ZNF697: variants seen among roughly 807,000 people sequenced by gnomAD.
The protein encoded by ZNF697 is zinc finger protein 697.
Under a neutral mutation model 32.4 loss-of-function variants are expected in ZNF697, and 23 were observed. The ratio of observed to expected loss-of-function variants is 0.71; its 90% CI spans 0.51 to 1.01. The LOEUF (loss-of-function observed/expected upper bound fraction) is 1.01, where lower values mean the gene tolerates loss of function less well. Ranked by LOEUF, ZNF697 falls within the 50% of genes least tolerant of loss-of-function variation. The pLI, the probability that ZNF697 is intolerant of heterozygous loss-of-function variation, is 0.00. For synonymous variants in ZNF697, 418 were observed against 337.2 expected (o/e 1.24, Z -2.62); for missense variants, 930 against 794.0 (o/e 1.17, Z -2.06).
chr1:119,642,401 T>C (rs957487516), intron 1 of ZNF697, among the ~76,000 whole-genome samples: 1 of 152,190 alleles, frequency 6.6e-6, no homozygotes, highest in Non-Finnish European at 1.5e-5. Flanking sequence ...GGTTCATAAG[T>C]TGTACCAAAT....
In ZNF697 at chr1:119,623,590, C is replaced by T. The variant is rs1648446417; in HGVS notation, c.753G>A (p.Pro251=). ...GCTTTTCGCGCGGGGGCCGGGCCAGCGGGGGCCCGGCCCCGAAGCCCCCCG... is the reference window on the plus strand; with the variant it reads ...GCTTTTCGCGCGGGGGCCGGGCCAGTGGGGGCCCGGCCCCGAAGCCCCCCG... The part of the protein sequence containing the change: ...GVAGGFGAGP[P]LARPPREKPF... The change falls in exon 3 of 3, where the codon CCG becomes CCA. Residue 251 remains proline (P), a synonymous_variant. Coordinates refer to ENST00000421812, the MANE Select transcript of ZNF697 (RefSeq NM_001080470.2). 6 of 1,435,302 alleles carry T rather than the reference C, an allele frequency of 4.2e-6. No individual in the cohort carries two copies. Among genetic ancestry groups the T allele is most frequent in the Non-Finnish European group, 4.5e-6 (5 of 1,107,054 alleles). 88.9% of individuals were successfully genotyped at this position (1,435,302 alleles called of 1,614,324 possible). A position where few individuals can be genotyped will look rare whatever the true frequency, so the allele number is the denominator to read the frequency against.
intron 1 of ZNF697, among the ~76,000 whole-genome samples, chr1:119,634,001 A>G (rs1404400971): frequency 6.6e-6 from 1 of 152,198 alleles, no homozygotes; most frequent in Non-Finnish European, 1.5e-5. Context: ...TGAAGGACAA[A>G]AGAGAAAACA....
rs1240032774 is a variant in ZNF697 at position 119,622,834 on chromosome 1, G to C, written c.1509C>G (p.Ile503Met). Residue 503 changes from isoleucine (I) to methionine (M), a missense_variant, in exon 3 of 3, where the codon ATC (isoleucine) becomes ATG (methionine). Physicochemically the swap from Ile to Met is conservative, Grantham distance 10 (BLOSUM62 1). Transcript: ENST00000421812. Reference protein sequence around the residue: ...YTCIECGKSFIQSSHLIRHRR... With the variant: ...YTCIECGKSFMQSSHLIRHRR... ...GGTGGCGGATCAGGTGGGAGCTCTG[G>C]ATAAAGCTCTTGCCGCACTCGATGC... is the stretch of plus-strand genomic sequence containing the variant. 2 of 1,605,818 alleles carry C rather than the reference G, an allele frequency of 1.2e-6. No homozygotes were observed. The highest frequency in any genetic ancestry group is 1.3e-5 in the African/African-American group (1 of 74,924).
intron 1 of ZNF697, among the ~76,000 whole-genome samples, chr1:119,628,158 G>A (rs1157431448): frequency 6.6e-6 from 1 of 152,090 alleles, no homozygotes; most frequent in African/African-American, 2.4e-5. Context: ...AGTCAAATAA[G>A]CATGTCATCA....
Position 119,623,783 on chromosome 1 carries a change from G to GCGTCCATGATGCTGGCCA in ZNF697, c.542_559dup (p.Val181_Asp186dup). On this transcript the variant is annotated inframe_insertion, in exon 3 of 3. Coordinates refer to ENST00000421812, the MANE Select transcript of ZNF697 (RefSeq NM_001080470.2). ...CCCGCAGTCGGGGCAGATGGTGGGCGCGTCCATGATGCTGGCCACCAGGCT... is the reference window on the plus strand; with the variant it reads ...CCCGCAGTCGGGGCAGATGGTGGGCGCGTCCATGATGCTGGCCACGTCCATGATGCTGGCCACCAGGCT... The GCGTCCATGATGCTGGCCA allele has an allele frequency of 6.5e-7, 1 of 1,545,718 alleles. No homozygotes were observed. Among genetic ancestry groups the GCGTCCATGATGCTGGCCA allele is most frequent in the Non-Finnish European group, 8.7e-7 (1 of 1,146,370 alleles).
intron 1 of ZNF697, among the ~76,000 whole-genome samples, chr1:119,644,541 A>T (rs1313016097): frequency 3.9e-5 from 6 of 152,280 alleles, no homozygotes; most frequent in Non-Finnish European, 7.4e-5. Flanking sequence ...AGCAGACGTA[A>T]ATTCCAGTCT....
intron 1 of ZNF697, among the ~76,000 whole-genome samples, chr1:119,646,209 G>C (rs1239211805): frequency 1.3e-5 from 2 of 151,980 alleles, no homozygotes; most frequent in Non-Finnish European, 2.9e-5. Flanking sequence ...GTAATGTAAA[G>C]GGCAGCCTGA....
chr1:119,624,216 A>G, intron 2 of ZNF697, 100 bp from the exon 3 acceptor site: 2 of 1,379,014 alleles, frequency 1.5e-6, no homozygotes, highest in Non-Finnish European at 1.9e-6. Flanking sequence ...CCCCTCCCTC[A>G]GGCACTCTGG....
At chr1:119,628,258 G>T (rs1648656560) in intron 1 of ZNF697, among the ~76,000 whole-genome samples, 1 of 152,176 alleles carries the variant, frequency 6.6e-6, no homozygotes, top group Non-Finnish European at 1.5e-5. Flanking sequence ...CAGGATTTAG[G>T]AGTCCGATCT....
At chr1:119,637,923 GTC>G (rs1648969069) in intron 1 of ZNF697, among the ~76,000 whole-genome samples, 1 of 151,730 alleles carries the variant, frequency 6.6e-6, no homozygotes, top group Non-Finnish European at 1.5e-5. Context: ...AAAAGTCATC[GTC>G]TGTGTGTGTG....
chr1:119,642,438 A>AG (rs199544096), intron 1 of ZNF697, among the ~76,000 whole-genome samples: 8 of 151,240 alleles, frequency 5.3e-5, no homozygotes, highest in Admixed American at 4.7e-4. Context: ...GGATGCTGAG[A>AG]GGGGGGGAGG....
intron 1 of ZNF697, among the ~76,000 whole-genome samples, chr1:119,626,789 A>G (rs1648603724): frequency 6.6e-6 from 1 of 152,214 alleles, no homozygotes; most frequent in Non-Finnish European, 1.5e-5. Flanking sequence ...GCAGGGAGGA[A>G]TGAGCCAAGA....
chr1:119,620,676 T>C lies in ZNF697; in HGVS notation c.*2029A>G, dbSNP rs1188900597. ...TGTAGTTTGAAAACCTATTTGCATT[T>C]GTGAATAACAATAAACTGATTAAGA... On this transcript the variant is annotated 3_prime_UTR_variant, in exon 3 of 3. Coordinates refer to ENST00000421812, the MANE Select transcript of ZNF697 (RefSeq NM_001080470.2). 1 of 152,646 alleles carries C rather than the reference T, an allele frequency of 6.6e-6. No individual in the cohort carries two copies. The highest frequency in any genetic ancestry group is 6.5e-5 in the Admixed American group (1 of 15,278). 9.5% of individuals were successfully genotyped at this position (152,646 alleles called of 1,614,324 possible).
At chr1:119,638,684 C>A (rs929732300) in intron 1 of ZNF697, among the ~76,000 whole-genome samples, 6 of 152,168 alleles carry the variant, frequency 3.9e-5, no homozygotes, top group Non-Finnish European at 8.8e-5. Context: ...CTTTATACAG[C>A]TCTTCTATCC....
intron 2 of ZNF697, 49 bp downstream of exon 2, chr1:119,625,826 G>C: frequency 1.2e-6 from 2 of 1,600,288 alleles, no homozygotes; most frequent in Non-Finnish European, 1.7e-6. Flanking sequence ...GGAGCTAGAA[G>C]TAAGTGTAAC....
At chr1:119,629,983 T>C (rs1648714003) in intron 1 of ZNF697, among the ~76,000 whole-genome samples, 1 of 152,200 alleles carries the variant, frequency 6.6e-6, no homozygotes, top group African/African-American at 2.4e-5. Flanking sequence ...TAAAGCTAAA[T>C]AGGGTGTGGG....
rs751909000 is a variant in ZNF697 at position 119,623,529 on chromosome 1, G to C, written c.814C>G (p.Arg272Gly). ...AGGTGGTTGGTCAGGTAGGTGTTGC[G>C]GCTGAAGCCCTTGCCGCACTCCCCG... ...RCGECGKGFS[R>G]NTYLTNHLRL... The change falls in exon 3 of 3, where the codon CGC becomes GGC. Residue 272 changes from arginine (R) to glycine (G), a missense_variant. Coordinates refer to ENST00000421812, the MANE Select transcript of ZNF697 (RefSeq NM_001080470.2). 3.2e-6 allele frequency: 5 copies of C among 1,557,726 alleles called. No homozygotes were observed. The highest frequency in any genetic ancestry group is 4.3e-6 in the Non-Finnish European group (5 of 1,153,776).
intron 1 of ZNF697, 107 bp downstream of exon 1, chr1:119,647,584 C>CG (rs1458789659): frequency 1.3e-5 from 2 of 152,562 alleles, no homozygotes; most frequent in African/African-American, 2.4e-5. Flanking sequence ...CTGCCCTTCT[C>CG]GGAGCCCCCC....
chr1:119,635,702 T>C (rs1648901169), intron 1 of ZNF697, among the ~76,000 whole-genome samples: 1 of 152,162 alleles, frequency 6.6e-6, no homozygotes, highest in Non-Finnish European at 1.5e-5. Context: ...GGATGAAAAA[T>C]GGAAGATCAT....
Sources: allele counts gnomAD v4.1 joint callset (sites outside exome capture counted in the v4.1 genomes callset), GRCh38; gene constraint gnomAD v4.1.1; transcripts MANE v1.5; gene names NCBI Gene and HGNC (gene_info 2026-07-23, HGNC 2026-07-21).